MAN1C1: variants seen among roughly 807,000 people sequenced by gnomAD.
MAN1C1 encodes mannosyl-oligosaccharide 1,2-alpha-mannosidase IC.
Under a neutral mutation model 71.5 loss-of-function variants are expected in MAN1C1, and 49 were observed. The ratio of observed to expected loss-of-function variants is 0.69; its 90% CI spans 0.54 to 0.87. MAN1C1 has a LOEUF of 0.87. Among genes scored for constraint, MAN1C1 ranks in the 40% least tolerant of loss-of-function variants. The pLI is 0.00. For missense variants in MAN1C1, 743 were observed against 835.0 expected, an observed-to-expected ratio of 0.89 and a Z score of 1.36; for synonymous variants, 352 against 343.7, an observed-to-expected ratio of 1.02 and a Z score of -0.27.
At position 25,783,512 on chromosome 1, in the gene MAN1C1, C is replaced by G. The variant is rs1572218715; in HGVS notation, c.1767-151C>G. On this transcript the variant is annotated intron_variant, in intron 11 of 11. Transcript: ENST00000374332. ...CCTCCTTCCCCAGGACTAGCACCCC[C>G]ACCCTGCTGCCCACAGTTTTGGGGT... is the stretch of plus-strand genomic sequence containing the variant. The G allele has an allele frequency of 5.0e-6, 4 of 798,550 alleles. No individual in the cohort carries two copies. The Admixed American group carries it at 6.7e-5, about 13-fold the overall frequency. The allele number at this position is 798,550 out of a possible 1,614,324, so 49.5% of individuals were successfully genotyped here.
intron 2 of MAN1C1, among the ~76,000 whole-genome samples, chr1:25,700,938 C>A (rs1010433373): frequency 1.4e-4 from 21 of 152,240 alleles, no homozygotes; most frequent in Non-Finnish European, 2.5e-4. Flanking sequence ...AGGCACCCCC[C>A]AGATGGCTGT....
At chr1:25,768,276 A>AAT in intron 7 of MAN1C1, among the ~76,000 whole-genome samples, 1 of 9,126 alleles carries the variant, frequency 1.1e-4, no homozygotes, top group East Asian at 3.5e-3. Flanking sequence ...CATCACATAC[A>AAT]TCCACACTCC....
intron 2 of MAN1C1, among the ~76,000 whole-genome samples, chr1:25,700,909 G>A (rs921156973): frequency 6.6e-6 from 1 of 152,226 alleles, no homozygotes. Context: ...GAGGCCTCTT[G>A]GGGCATTCGG....
chr1:25,635,376 T>C (rs2045441808), intron 1 of MAN1C1, among the ~76,000 whole-genome samples: 1 of 152,048 alleles, frequency 6.6e-6, no homozygotes, highest in Non-Finnish European at 1.5e-5. Flanking sequence ...CTATTTCATC[T>C]AAGTTGTAAA....
chr1:25,671,449 G>T (rs570308676), intron 1 of MAN1C1, among the ~76,000 whole-genome samples: 122 of 152,282 alleles, frequency 8.0e-4, no homozygotes, highest in Middle Eastern at 3.4e-3. Context: ...AGGGGAATAG[G>T]TTCCAGCATT....
chr1:25,774,659 G>A (rs1361888583), intron 8 of MAN1C1, among the ~76,000 whole-genome samples: 4 of 152,118 alleles, frequency 2.6e-5, no homozygotes, highest in Admixed American at 2.6e-4. Context: ...TTTTATAGAT[G>A]AGCAAAGTGA....
At chr1:25,761,210 T>C (rs913045549) in intron 6 of MAN1C1, 1 of 152,172 alleles carries the variant, frequency 6.6e-6, no homozygotes, top group African/African-American at 2.4e-5. Context: ...ACAACTGTTA[T>C]TGCTTTTTAT....
intron 2 of MAN1C1, among the ~76,000 whole-genome samples, chr1:25,687,379 C>T (rs1210294377): frequency 6.6e-6 from 1 of 152,132 alleles, no homozygotes; most frequent in African/African-American, 2.4e-5. Context: ...GGCTCAGATT[C>T]CAACAGTAAC....
chr1:25,778,042 T>C lies in MAN1C1; in HGVS notation c.1258-63T>C, dbSNP rs1209966649. The C allele has an allele frequency of 8.0e-7, 1 of 1,255,602 alleles. No individual in the cohort carries two copies. The highest frequency in any genetic ancestry group is 1.1e-6 in the Non-Finnish European group (1 of 905,976). The allele number at this position is 1,255,602 out of a possible 1,614,324, so 77.8% of individuals were successfully genotyped here. A position where few individuals can be genotyped will look rare whatever the true frequency, so the allele number is the denominator to read the frequency against. ...TCCAAAATGTTCATTTTCCATCCTT[T>C]CCCCCCCTTCTCTGTGCCCTCCCAC... On this transcript the variant is annotated intron_variant, in intron 8 of 11. Coordinates refer to ENST00000374332, the MANE Select transcript of MAN1C1 (RefSeq NM_020379.4). This position sits in a 1 kb window ranked among gnomAD's most constrained non-coding sequence, Gnocchi z 5.5.
chr1:25,664,349 G>A (rs2045891830), intron 1 of MAN1C1, among the ~76,000 whole-genome samples: 1 of 152,024 alleles, frequency 6.6e-6, no homozygotes, highest in Admixed American at 6.5e-5. Context: ...CAAAACCATG[G>A]GGGAGAAAAC....
At chr1:25,638,880 C>T (rs2045500127) in intron 1 of MAN1C1, among the ~76,000 whole-genome samples, 1 of 151,966 alleles carries the variant, frequency 6.6e-6, no homozygotes, top group African/African-American at 2.4e-5. Flanking sequence ...GTTTCTTGAG[C>T]TTATTTTGTC....
Position 25,722,346 on chromosome 1 carries a change from T to G in MAN1C1, c.638-24322T>G, listed in dbSNP as rs557123126. On this transcript the variant is annotated intron_variant, in intron 2 of 11. Transcript: ENST00000374332. The stretch of plus-strand genomic sequence containing the variant: ...TTCAGTTCTGGGACACCTTGAATGA[T>G]TTCTTTGATTATTTCCTTCCACCGA... Among the ~76,000 whole-genome samples, 12 of 152,352 alleles carry G rather than the reference T, an allele frequency of 7.9e-5. No homozygotes were observed. In the South Asian group the frequency reaches 2.3e-3, roughly 29 times the overall value.
chr1:25,734,737 C>CCACT (rs1377033557), intron 2 of MAN1C1, among the ~76,000 whole-genome samples: 1 of 152,224 alleles, frequency 6.6e-6, no homozygotes, highest in African/African-American at 2.4e-5. Flanking sequence ...ATCCCAAAGG[C>CCACT]ACCTTGACCC....
intron 6 of MAN1C1, among the ~76,000 whole-genome samples, chr1:25,761,978 C>T (rs1414874084): frequency 6.6e-6 from 1 of 152,048 alleles, no homozygotes; most frequent in Non-Finnish European, 1.5e-5. Flanking sequence ...TAAGTGAGAT[C>T]AAGTATTTGT....
In MAN1C1 at chr1:25,634,613, A is replaced by G. The variant is rs772258030; in HGVS notation, c.540+16276A>G. Among the ~76,000 whole-genome samples the G allele has an allele frequency of 2.6e-5, 4 of 152,194 alleles. No individual in the cohort carries two copies. ...GGTGGGAGGATTGCCTGAGCTCAGCAGTTCGAGACCAGCCTGGGCAACATG... is the reference window on the plus strand; with the variant it reads ...GGTGGGAGGATTGCCTGAGCTCAGCGGTTCGAGACCAGCCTGGGCAACATG... On this transcript the variant is annotated intron_variant, in intron 1 of 11. Coordinates refer to ENST00000374332, the MANE Select transcript of MAN1C1 (RefSeq NM_020379.4). The surrounding 1 kb of genome is among the most constrained non-coding windows in gnomAD (Gnocchi z 4.6).
chr1:25,720,239 T>C lies in MAN1C1; in HGVS notation c.638-26429T>C, dbSNP rs931787443. Among the ~76,000 whole-genome samples, 34 of 151,798 alleles carry C rather than the reference T, an allele frequency of 2.2e-4. 1 individual carries two copies. Among genetic ancestry groups the C allele is most frequent in the Admixed American group, 7.2e-4 (11 of 15,222 alleles). On this transcript the variant is annotated intron_variant, in intron 2 of 11. Transcript: ENST00000374332. ...TTTCTTAATTTTTTTCAAGACAAAG[T>C]CTCACTCTGTTGCCCAGGCTGGAGT...
rs1298669504 is a variant in MAN1C1, at chr1:25,643,663, C to A, written c.540+25326C>A. 2.0e-5 allele frequency among the ~76,000 whole-genome samples: 3 copies of A among 149,916 alleles called. 1 individual carries two copies. The highest frequency in any genetic ancestry group is 4.2e-4 in the South Asian group (2 of 4,720). ...GGGATTACAGACACCCGCCACCCCACCCAGCTAATTTTTTTGTATTTTTAG... is the reference window on the plus strand; with the variant it reads ...GGGATTACAGACACCCGCCACCCCAACCAGCTAATTTTTTTGTATTTTTAG... On this transcript the variant is annotated intron_variant, in intron 1 of 11. Coordinates refer to ENST00000374332, the MANE Select transcript of MAN1C1 (RefSeq NM_020379.4).
chr1:25,682,726 A>G (rs2046171698), intron 1 of MAN1C1, among the ~76,000 whole-genome samples: 1 of 152,162 alleles, frequency 6.6e-6, no homozygotes, highest in East Asian at 1.9e-4. Flanking sequence ...AGAGCAGCCC[A>G]TCACTGAGCG....
Position 25,783,775 on chromosome 1 carries a change from TG to T in MAN1C1, c.1883del (p.Gly628AlafsTer24). On this transcript the variant is annotated frameshift_variant, in exon 12 of 12. Transcript: ENST00000374332. LOFTEE classifies it high-confidence loss of function. ...CCACTCAGACAGCTCCGGCAGAGCC[TG>T]GGGCAGACACTGACCCCATCTCCTG... ...VNHSDSSGRAWGRH is the reference protein window; with the variant it reads ...VNHSDSSGRAXGRH 1.2e-6 allele frequency: 2 copies of T among 1,611,394 alleles called. No individual in the cohort carries two copies.
Sources: gnomAD v4.1 joint callset for allele counts (sites outside exome capture counted in the v4.1 genomes callset) on GRCh38, gnomAD v4.1.1 for gene constraint, Gnocchi (gnomAD v3.1) non-coding constraint, MANE v1.5 for transcripts, NCBI Gene and HGNC (gene_info 2026-07-23, HGNC 2026-07-21) for gene names.